Variants in FHIT observed in about 807,000 individuals in gnomAD.
FHIT encodes fragile histidine triad diadenosine triphosphatase.
In FHIT, 19 loss-of-function variants were observed where a neutral mutation model predicts 17.9. The observed-to-expected ratio is 1.06, with a 90% CI of 0.74 to 1.56. FHIT has a LOEUF of 1.56. Ranked by LOEUF, FHIT falls within the 40% of genes most tolerant of loss-of-function variation. FHIT has a pLI of 0.00. For missense variants in FHIT, 248 were observed against 189.2 expected, an observed-to-expected ratio of 1.31 and a Z score of -1.82; for synonymous variants, 81 against 69.7, an observed-to-expected ratio of 1.16 and a Z score of -0.81.
chr3:60,088,645 T>C (rs1310755837), intron 5 of FHIT, among the ~76,000 whole-genome samples: 3 of 152,202 alleles, frequency 2.0e-5, no homozygotes, highest in Non-Finnish European at 2.9e-5. Flanking sequence ...ATCTCTCTTA[T>C]GGGAGTTATT....
At chr3:60,070,042 C>G (rs541690961) in intron 5 of FHIT, among the ~76,000 whole-genome samples, 1 of 152,170 alleles carries the variant, frequency 6.6e-6, no homozygotes, top group African/African-American at 2.4e-5. Flanking sequence ...CCCCTACATG[C>G]TTTTATTGCT....
At chr3:60,368,851 T>A (rs1175300500) in intron 5 of FHIT, among the ~76,000 whole-genome samples, 1 of 152,178 alleles carries the variant, frequency 6.6e-6, no homozygotes, top group African/African-American at 2.4e-5. Flanking sequence ...TTTTTCTTAG[T>A]CTTTTTTTTC....
At chr3:60,146,387 A>G (rs186805564) in intron 5 of FHIT, among the ~76,000 whole-genome samples, 1 of 152,168 alleles carries the variant, frequency 6.6e-6, no homozygotes, top group East Asian at 1.9e-4. Flanking sequence ...CATCCCCAGC[A>G]TGATACTAGA....
intron 4 of FHIT, among the ~76,000 whole-genome samples, chr3:60,587,391 A>T (rs1257823535): frequency 6.6e-6 from 1 of 152,168 alleles, no homozygotes; most frequent in East Asian, 1.9e-4. Context: ...TAGGACAAAT[A>T]GCTAATATAT....
chr3:60,487,931 T>C (rs1349162954), intron 5 of FHIT, among the ~76,000 whole-genome samples: 2 of 152,196 alleles, frequency 1.3e-5, no homozygotes, highest in African/African-American at 2.4e-5. Flanking sequence ...AAATAGAATT[T>C]CGATGAAACT....
chr3:60,793,183 C>T (rs1282292891), intron 4 of FHIT, among the ~76,000 whole-genome samples: 13 of 152,246 alleles, frequency 8.5e-5, no homozygotes, highest in South Asian at 2.1e-4. Flanking sequence ...TATTTACATA[C>T]ATATGACATT....
intron 8 of FHIT, among the ~76,000 whole-genome samples, chr3:59,895,848 T>G (rs1420821122): frequency 6.6e-6 from 1 of 152,178 alleles, no homozygotes; most frequent in Non-Finnish European, 1.5e-5. Context: ...TCTTACAAAG[T>G]CTGGCACCTG....
At chr3:59,828,172 T>A (rs1049170514) in intron 8 of FHIT, among the ~76,000 whole-genome samples, 2 of 152,236 alleles carry the variant, frequency 1.3e-5, no homozygotes. Context: ...TGGTTTTATT[T>A]GATTTTTCAT....
At chr3:59,794,790 G>A (rs1054326655) in intron 8 of FHIT, among the ~76,000 whole-genome samples, 2 of 152,156 alleles carry the variant, frequency 1.3e-5, no homozygotes, top group Admixed American at 1.3e-4. Flanking sequence ...AACTGAGACA[G>A]CTCTCAAAGC....
At chr3:61,093,226 G>A (rs906141326) in intron 2 of FHIT, among the ~76,000 whole-genome samples, 5 of 152,156 alleles carry the variant, frequency 3.3e-5, no homozygotes, top group Admixed American at 6.5e-5. Context: ...AACGATAAAC[G>A]TTTATAATTC....
At chr3:60,996,119 C>G (rs1046778575) in intron 3 of FHIT, among the ~76,000 whole-genome samples, 1 of 152,182 alleles carries the variant, frequency 6.6e-6, no homozygotes, top group African/African-American at 2.4e-5. Context: ...CACCACTTCT[C>G]ACTTGCTTAT....
intron 5 of FHIT, among the ~76,000 whole-genome samples, chr3:60,506,697 C>T (rs868368006): frequency 4.6e-5 from 7 of 152,232 alleles, no homozygotes; most frequent in Middle Eastern, 6.8e-3. Context: ...ACCTCCTGCC[C>T]TCTACCATAG....
chr3:60,031,830 G>C (rs1216273884), intron 5 of FHIT, among the ~76,000 whole-genome samples: 3 of 152,090 alleles, frequency 2.0e-5, no homozygotes, highest in Non-Finnish European at 4.4e-5. Context: ...TGAAAAAAAT[G>C]ACACACAGTT....
At chr3:60,493,075 A>G (rs961442758) in intron 5 of FHIT, among the ~76,000 whole-genome samples, 7 of 152,208 alleles carry the variant, frequency 4.6e-5, no homozygotes, top group African/African-American at 7.2e-5. Context: ...TCAAGAATTC[A>G]GAGAAAATGG....
intron 5 of FHIT, among the ~76,000 whole-genome samples, chr3:60,298,796 T>G (rs1708324151): frequency 6.6e-6 from 1 of 152,164 alleles, no homozygotes; most frequent in Non-Finnish European, 1.5e-5. Context: ...AACTTAAAGC[T>G]GTTAGAGCTT....
At chr3:59,754,952 C>A (rs953231438) in intron 8 of FHIT, among the ~76,000 whole-genome samples, 27 of 123,612 alleles carry the variant, frequency 2.2e-4, no homozygotes, top group African/African-American at 6.9e-4. Context: ...AAAAATAAAA[C>A]CCACCCCAGG....
At chr3:60,973,758 C>G (rs1710124929) in intron 3 of FHIT, among the ~76,000 whole-genome samples, 1 of 152,138 alleles carries the variant, frequency 6.6e-6, no homozygotes, top group Admixed American at 6.5e-5. Flanking sequence ...AATCAACCCT[C>G]AGATAATGTC....
chr3:60,755,491 C>G (rs1462297518), intron 4 of FHIT, among the ~76,000 whole-genome samples: 1 of 152,178 alleles, frequency 6.6e-6, no homozygotes, highest in Non-Finnish European at 1.5e-5. Flanking sequence ...GCATTGGACC[C>G]ATGGAACCAC....
intron 5 of FHIT, among the ~76,000 whole-genome samples, chr3:60,440,692 T>G (rs905999562): frequency 6.6e-6 from 1 of 151,956 alleles, no homozygotes; most frequent in African/African-American, 2.4e-5. Context: ...CAGATAAAAT[T>G]TATATAAATC....
Sources: allele counts gnomAD v4.1 joint callset (sites outside exome capture counted in the v4.1 genomes callset), GRCh38; gene constraint gnomAD v4.1.1; transcripts MANE v1.5; gene names NCBI Gene and HGNC (gene_info 2026-07-23, HGNC 2026-07-21).